APBB2: variants seen among roughly 807,000 people sequenced by gnomAD.
The protein encoded by APBB2 is amyloid beta precursor protein binding family B member 2.
Under a neutral mutation model 82.5 loss-of-function variants are expected in APBB2, and 38 were observed. The ratio of observed to expected loss-of-function variants is 0.46; its 90% CI spans 0.36 to 0.60. APBB2 has a LOEUF of 0.60. Among genes scored for constraint, APBB2 ranks in the 20% least tolerant of loss-of-function variants. The pLI, the probability that APBB2 is intolerant of heterozygous loss-of-function variation, is 0.00. For missense variants in APBB2, 772 were observed against 972.3 expected, an observed-to-expected ratio of 0.79 and a Z score of 2.74; for synonymous variants, 341 against 368.2, an observed-to-expected ratio of 0.93 and a Z score of 0.85.
At chr4:41,144,835 C>T (rs1490222482) in intron 1 of APBB2, among the ~76,000 whole-genome samples, 3 of 152,190 alleles carry the variant, frequency 2.0e-5, no homozygotes, top group African/African-American at 4.8e-5. Flanking sequence ...GTTAAAAGAA[C>T]GGGCTGGGCA....
At chr4:40,998,446 T>A (rs931702561) in intron 6 of APBB2, among the ~76,000 whole-genome samples, 5 of 152,172 alleles carry the variant, frequency 3.3e-5, no homozygotes, top group African/African-American at 1.2e-4. Context: ...TTAAAACTAA[T>A]CTTTAAGAAA....
At chr4:41,145,203 C>T (rs929345751) in intron 1 of APBB2, among the ~76,000 whole-genome samples, 2 of 152,160 alleles carry the variant, frequency 1.3e-5, no homozygotes, top group Non-Finnish European at 2.9e-5. Flanking sequence ...TGACTCCTGG[C>T]ACACTCATTT....
rs1011050687 is a variant in APBB2, at chr4:41,049,431, G to T, written c.-50-16127C>A. Among the ~76,000 whole-genome samples the T allele has an allele frequency of 2.9e-4, 43 of 148,704 alleles. No individual in the cohort carries two copies. In the Middle Eastern group the frequency reaches 0.014, roughly 49 times the overall value. ...CGGGAAGGAGATGGGGGACAGCCCC[G>T]CCCGGCCAGCCAACCCCTCCGCGAG... On this transcript the variant is annotated intron_variant, in intron 4 of 17. Coordinates refer to ENST00000508593, the MANE Select transcript of APBB2 (RefSeq NM_004307.2).
chr4:41,204,061 G>A (rs747933729), intron 1 of APBB2, among the ~76,000 whole-genome samples: 5 of 151,180 alleles, frequency 3.3e-5, no homozygotes, highest in Non-Finnish European at 7.4e-5. Context: ...GAATGTTTAA[G>A]CTACTTCCTG....
intron 12 of APBB2, among the ~76,000 whole-genome samples, chr4:40,869,334 C>A (rs1764829178): frequency 6.6e-6 from 1 of 152,116 alleles, no homozygotes; most frequent in Non-Finnish European, 1.5e-5. Context: ...GTAATCCCAG[C>A]ACTTTGGGAG....
intron 4 of APBB2, among the ~76,000 whole-genome samples, chr4:41,042,842 T>C (rs1286372119): frequency 1.3e-5 from 2 of 152,216 alleles, no homozygotes; most frequent in Non-Finnish European, 1.5e-5. Context: ...CTAATGGCTA[T>C]TGTTTAAGCC....
intron 12 of APBB2, among the ~76,000 whole-genome samples, chr4:40,874,774 T>C (rs1484430498): frequency 6.6e-6 from 1 of 152,204 alleles, no homozygotes; most frequent in Non-Finnish European, 1.5e-5. Context: ...AATAGAACAT[T>C]GCATACAGTG....
At chr4:40,901,458 T>C (rs1775268748) in intron 10 of APBB2, among the ~76,000 whole-genome samples, 1 of 152,140 alleles carries the variant, frequency 6.6e-6, no homozygotes, top group African/African-American at 2.4e-5. Flanking sequence ...GGGGGTGCTC[T>C]GTCCTCTTCA....
At chr4:40,937,934 T>C (rs1785786355) in intron 7 of APBB2, among the ~76,000 whole-genome samples, 1 of 152,220 alleles carries the variant, frequency 6.6e-6, no homozygotes, top group Non-Finnish European at 1.5e-5. Context: ...ACAGAGATTC[T>C]TTGGTTCTAC....
intron 2 of APBB2, among the ~76,000 whole-genome samples, chr4:41,131,359 T>C (rs1755919412): frequency 6.6e-6 from 1 of 152,238 alleles, no homozygotes; most frequent in Non-Finnish European, 1.5e-5. Context: ...GAAGTGAGTA[T>C]GTACTGAAGA....
Position 41,054,372 on chromosome 4 carries a change from A to AAAATCG in APBB2, c.-51+11203_-51+11204insCGATTT, listed in dbSNP as rs150378799. On this transcript the variant is annotated intron_variant, in intron 4 of 17. Coordinates refer to ENST00000508593, the MANE Select transcript of APBB2 (RefSeq NM_004307.2). ...TTGCTACAAGGAATGCTGGAAAATCAGGGTTCAGGACTGGTATATTGGCTT... is the reference window on the plus strand; with the variant it reads ...TTGCTACAAGGAATGCTGGAAAATCAAAATCGGGGTTCAGGACTGGTATATTGGCTT... Among the ~76,000 whole-genome samples the AAAATCG allele has an allele frequency of 4.4e-3, 665 of 152,308 alleles. 4 individuals carry two copies. Among genetic ancestry groups the AAAATCG allele is most frequent in the African/African-American group, 0.015 (618 of 41,560 alleles).
At chr4:41,153,667 A>G (rs1040841995) in intron 1 of APBB2, among the ~76,000 whole-genome samples, 1 of 152,214 alleles carries the variant, frequency 6.6e-6, no homozygotes, top group Non-Finnish European at 1.5e-5. Flanking sequence ...TTACTAAATG[A>G]AGGAGCTTTA....
intron 1 of APBB2, among the ~76,000 whole-genome samples, chr4:41,188,835 G>T (rs1773653365): frequency 6.6e-6 from 1 of 152,032 alleles, no homozygotes; most frequent in Admixed American, 6.5e-5. Context: ...GTTTGCTTGA[G>T]CCTGGGAGGC....
At chr4:41,052,513 C>G (rs1401665119) in intron 4 of APBB2, among the ~76,000 whole-genome samples, 2 of 152,172 alleles carry the variant, frequency 1.3e-5, no homozygotes, top group East Asian at 3.8e-4. Flanking sequence ...TAGACAAGAT[C>G]AAGCACTGAT....
intron 10 of APBB2, among the ~76,000 whole-genome samples, chr4:40,931,371 C>T (rs540469628): frequency 6.6e-6 from 1 of 152,294 alleles, no homozygotes; most frequent in South Asian, 2.1e-4. Context: ...CTTTACCTCC[C>T]AGGCTCCTCC....
intron 6 of APBB2, among the ~76,000 whole-genome samples, chr4:40,955,261 A>AGAACAGCATTTCTGAAAGAGG (rs1344618504): frequency 3.9e-5 from 6 of 152,170 alleles, no homozygotes; most frequent in African/African-American, 1.4e-4. Flanking sequence ...TCTGAAAGAG[A>AGAACAGCATTTCTGAAAGAGG]GAACAGCATT....
At chr4:41,190,109 A>T (rs1773992356) in intron 1 of APBB2, among the ~76,000 whole-genome samples, 1 of 152,116 alleles carries the variant, frequency 6.6e-6, no homozygotes, top group African/African-American at 2.4e-5. Context: ...TAGAAAGTTG[A>T]TAATCCCCCA....
chr4:40,823,294 A>G (rs1407341204), intron 16 of APBB2, among the ~76,000 whole-genome samples: 1 of 152,178 alleles, frequency 6.6e-6, no homozygotes, highest in Non-Finnish European at 1.5e-5. Context: ...CCCAAATGGA[A>G]GCATCTTCTG....
rs376093067 is a variant in APBB2, at chr4:40,906,733, G to A, written c.1255-13322C>T. On this transcript the variant is annotated intron_variant, in intron 10 of 17. Coordinates refer to ENST00000508593, the MANE Select transcript of APBB2 (RefSeq NM_004307.2). ...AAAACATTGGAAACATTTTGACCAT[G>A]AAAGGACTTGAACCCTCAATCTTCT... Among the ~76,000 whole-genome samples the A allele has an allele frequency of 4.5e-4, 68 of 152,156 alleles. No individual in the cohort carries two copies. In the South Asian group the frequency reaches 0.013, roughly 28 times the overall value.
Sources: allele counts gnomAD v4.1 joint callset (sites outside exome capture counted in the v4.1 genomes callset), GRCh38; gene constraint gnomAD v4.1.1; transcripts MANE v1.5; gene names NCBI Gene and HGNC (gene_info 2026-07-23, HGNC 2026-07-21).